The following PRKACB variants were observed in gnomAD, a reference collection of about 807,000 sequenced individuals.
PRKACB encodes the protein cAMP-dependent protein kinase catalytic subunit beta.
In PRKACB, 16 loss-of-function variants were observed where a neutral mutation model predicts 51.4. That is an observed-to-expected ratio of 0.31 (90% confidence interval 0.21 to 0.47). The LOEUF is 0.47. Ranked by LOEUF, PRKACB falls within the 20% of genes least tolerant of loss-of-function variation. PRKACB has a pLI of 1.00. For synonymous variants in PRKACB, 147 were observed against 154.4 expected, an observed-to-expected ratio of 0.95 and a Z score of 0.35; for missense variants, 309 against 464.5, an observed-to-expected ratio of 0.67 and a Z score of 3.08.
chr1:84,113,132 T>C (rs922574142), intron 1 of PRKACB, among the ~76,000 whole-genome samples: 1 of 152,200 alleles, frequency 6.6e-6, no homozygotes, highest in African/African-American at 2.4e-5. Context: ...ATCAGTGAAA[T>C]ATGATTTAAA....
At chr1:84,143,323 G>A (rs190885491), upstream of PRKACB, among the ~76,000 whole-genome samples, 6 of 152,042 alleles carry the variant, frequency 3.9e-5, no homozygotes, top group Admixed American at 2.0e-4. Context: ...ATGGTGGTGC[G>A]CGCCTATAAT....
intron 8 of PRKACB, among the ~76,000 whole-genome samples, chr1:84,213,293 T>C (rs920371504): frequency 1.3e-5 from 2 of 152,198 alleles, no homozygotes; most frequent in African/African-American, 4.8e-5. Flanking sequence ...ATGCAGCTAT[T>C]CCTTCATCCT....
chr1:84,134,681 A>T (rs1652611904), intron 1 of PRKACB, among the ~76,000 whole-genome samples: 2 of 152,230 alleles, frequency 1.3e-5, no homozygotes, highest in Non-Finnish European at 2.9e-5. Flanking sequence ...ACGGGGAAGA[A>T]AGAATAAAGT....
intron 1 of PRKACB, among the ~76,000 whole-genome samples, chr1:84,121,474 C>T (rs1371128861): frequency 5.3e-5 from 8 of 151,974 alleles, no homozygotes; most frequent in African/African-American, 1.7e-4. Context: ...AAACTTCTTG[C>T]CAATCGTAGC....
intron 1 of PRKACB, among the ~76,000 whole-genome samples, chr1:84,162,390 C>G (rs1045089496): frequency 4.0e-5 from 6 of 151,868 alleles, no homozygotes; most frequent in African/African-American, 4.8e-5. Context: ...CACCCTTTGT[C>G]TCTCTCCTTT....
intron 9 of PRKACB, among the ~76,000 whole-genome samples, chr1:84,234,103 C>T (rs1676264635): frequency 6.6e-6 from 1 of 151,984 alleles, no homozygotes; most frequent in Non-Finnish European, 1.5e-5. Flanking sequence ...GTGTGGATGT[C>T]CTTTCTGTTT....
chr1:84,153,027 A>T (rs1007089292), intron 1 of PRKACB, among the ~76,000 whole-genome samples: 33 of 152,114 alleles, frequency 2.2e-4, no homozygotes, highest in African/African-American at 8.0e-4. Context: ...GAACACTAAG[A>T]GGCCATTGTA....
At chr1:84,165,527 G>A (rs2100736476) in intron 1 of PRKACB, among the ~76,000 whole-genome samples, 1 of 151,860 alleles carries the variant, frequency 6.6e-6, no homozygotes, top group East Asian at 1.9e-4. Flanking sequence ...ATTTAATGAT[G>A]AAATAATTAG....
At chr1:84,185,064 G>C in intron 4 of PRKACB, 36 bp from the exon 5 acceptor site, 1 of 1,283,972 alleles carries the variant, frequency 7.8e-7, no homozygotes, top group Non-Finnish European at 1.1e-6. Context: ...TTTGACCTAA[G>C]TTGAATAATT....
At chr1:84,099,633 A>C (rs1303918990) in intron 1 of PRKACB, among the ~76,000 whole-genome samples, 1 of 152,092 alleles carries the variant, frequency 6.6e-6, no homozygotes, top group Non-Finnish European at 1.5e-5. Context: ...CTGGGCACTT[A>C]ATATTATTAA....
intron 8 of PRKACB, among the ~76,000 whole-genome samples, chr1:84,210,921 A>G (rs190028836): frequency 4.0e-4 from 61 of 152,304 alleles, no homozygotes; most frequent in African/African-American, 1.4e-3. Flanking sequence ...TACTTTCACA[A>G]TGACTTTCAT....
chr1:84,193,237 A>T (rs1487406861), intron 5 of PRKACB, among the ~76,000 whole-genome samples: 1 of 152,126 alleles, frequency 6.6e-6, no homozygotes, highest in African/African-American at 2.4e-5. Context: ...AAAGAGACTC[A>T]CTAAGGGGAA....
chr1:84,236,553 T>C lies in PRKACB; in HGVS notation c.*1248T>C, dbSNP rs1485685847. Reference sequence around the variant, plus strand: ...AATTTTGAGGTATGATATTTTCAGATATTTCATAATTTCTAACCTCTGTTC... The same window carrying C: ...AATTTTGAGGTATGATATTTTCAGACATTTCATAATTTCTAACCTCTGTTC... On this transcript the variant is annotated 3_prime_UTR_variant, in exon 10 of 10. Coordinates refer to ENST00000370685, the MANE Select transcript of PRKACB (RefSeq NM_182948.4). 6.6e-6 allele frequency: 1 copy of C among 152,662 alleles called. No individual in the cohort carries two copies. The allele number at this position is 152,662 out of a possible 1,614,324, so 9.5% of individuals were successfully genotyped here.
chr1:84,142,142 A>G (rs1457853210), upstream of PRKACB, among the ~76,000 whole-genome samples: 3 of 151,480 alleles, frequency 2.0e-5, no homozygotes, highest in Non-Finnish European at 4.4e-5. Context: ...TTCTTTTAAC[A>G]TGTTTATTGA....
chr1:84,170,406 G>A (rs1303103887), intron 1 of PRKACB, among the ~76,000 whole-genome samples: 1 of 151,760 alleles, frequency 6.6e-6, no homozygotes, highest in East Asian at 1.9e-4. Context: ...GTGTGCATGT[G>A]TAGGATGCCT....
chr1:84,122,711 A>G (rs1651184895), intron 1 of PRKACB, among the ~76,000 whole-genome samples: 1 of 152,166 alleles, frequency 6.6e-6, no homozygotes, highest in Admixed American at 6.5e-5. Flanking sequence ...TTGGAATTAT[A>G]TGGGGGATCT....
intron 1 of PRKACB, among the ~76,000 whole-genome samples, chr1:84,085,346 A>G (rs1435762002): frequency 1.3e-5 from 2 of 152,188 alleles, no homozygotes; most frequent in Admixed American, 6.5e-5. Flanking sequence ...GAGAGTAAGA[A>G]AAATCTAAAT....
At chr1:84,159,637 A>G (rs564033724) in intron 1 of PRKACB, among the ~76,000 whole-genome samples, 2 of 152,246 alleles carry the variant, frequency 1.3e-5, no homozygotes, top group Admixed American at 1.3e-4. Flanking sequence ...ACAAAGATGC[A>G]TAGAAGTGGT....
Position 84,091,779 on chromosome 1 carries a change from ACAGG to A in PRKACB, c.46+13410_46+13413del, listed in dbSNP as rs1648494660. On this transcript the variant is annotated intron_variant, in intron 1 of 8. Transcript: ENST00000370688. ...CTCAGCCTTCCAAAGTGCTGGGATT[ACAGG>A]CGTAAGCCACCACAACCTTCTTGTT... Among the ~76,000 whole-genome samples the A allele has an allele frequency of 5.3e-5, 8 of 152,196 alleles. No homozygotes were observed. The South Asian group carries it at 1.7e-3, about 32-fold the overall frequency.
Sources: allele counts gnomAD v4.1 joint callset (sites outside exome capture counted in the v4.1 genomes callset), GRCh38; gene constraint gnomAD v4.1.1; transcripts MANE v1.5; gene names NCBI Gene and HGNC (gene_info 2026-07-23, HGNC 2026-07-21).